Variants in UGT1A7 observed in about 807,000 individuals in gnomAD.
The protein encoded by UGT1A7 is UDP-glucuronosyltransferase 1A7.
Under a neutral mutation model 45.6 loss-of-function variants are expected in UGT1A7, and 33 were observed. The ratio of observed to expected loss-of-function variants is 0.72; its 90% confidence interval spans 0.55 to 0.97. UGT1A7 has a LOEUF of 0.97. Ranked by LOEUF, UGT1A7 falls within the 50% of genes least tolerant of loss-of-function variation. UGT1A7 has a pLI of 0.00. For synonymous variants in UGT1A7, 274 were observed against 250.6 expected, an observed-to-expected ratio of 1.09 and a Z score of -0.88; for missense variants, 684 against 666.2, an observed-to-expected ratio of 1.03 and a Z score of -0.29.
rs757417206 is a variant in UGT1A7, at chr2:233,772,349, T to C, written c.1383T>C (p.Phe461=). Residue 461 remains phenylalanine (F), a synonymous_variant, in exon 5 of 5, where the codon TTT becomes TTC. Coordinates refer to ENST00000373426, the MANE Select transcript of UGT1A7 (RefSeq NM_019077.3). ...ACCTGGCCGTGTTCTGGGTGGAGTT[T>C]GTGATGAGGCACAAGGGCGCGCCAC... ...PLDLAVFWVE[F]VMRHKGAPHL... is the part of the protein sequence containing the mutation. 2 of 1,614,272 alleles carry C rather than the reference T, an allele frequency of 1.2e-6. No individual in the cohort carries two copies. The highest frequency in any genetic ancestry group is 1.7e-5 in the Admixed American group (1 of 60,034).
At chr2:233,709,190 T>C (rs2076063708) in intron 1 of UGT1A7, among the ~76,000 whole-genome samples, 2 of 152,114 alleles carry the variant, frequency 1.3e-5, no homozygotes, top group East Asian at 3.9e-4. Flanking sequence ...GAGCTGGGAG[T>C]GGATCCTCAC....
chr2:233,772,776 CTT>C lies in UGT1A7; in HGVS notation c.*219_*220del. On this transcript the variant is annotated 3_prime_UTR_variant, in exon 5 of 5. Transcript: ENST00000373426. Reference sequence around the variant, plus strand: ...ATATGTATCGTGCCCCCTCTGGTGTCTTTGATCAGGATGACATGTGCCATTTT... The same window carrying C: ...ATATGTATCGTGCCCCCTCTGGTGTCTGATCAGGATGACATGTGCCATTTT... The C allele has an allele frequency of 7.6e-7, 1 of 1,308,314 alleles. No individual in the cohort carries two copies. The highest frequency in any genetic ancestry group is 1.0e-6 in the Non-Finnish European group (1 of 993,234). The allele number at this position is 1,308,314 out of a possible 1,614,324, so 81.0% of individuals were successfully genotyped here.
intron 1 of UGT1A7, among the ~76,000 whole-genome samples, chr2:233,709,542 T>C (rs1011776342): frequency 6.6e-6 from 1 of 152,178 alleles, no homozygotes; most frequent in Admixed American, 6.5e-5. Context: ...CTGTGATATA[T>C]GTAAGTACTT....
chr2:233,727,264 C>T (rs1345980059), intron 1 of UGT1A7, among the ~76,000 whole-genome samples: 1 of 152,152 alleles, frequency 6.6e-6, no homozygotes, highest in East Asian at 1.9e-4. Flanking sequence ...CAGACCCCTC[C>T]TCATCTCCAG....
At chr2:233,711,268 G>T (rs1198771284) in intron 1 of UGT1A7, among the ~76,000 whole-genome samples, 1 of 152,206 alleles carries the variant, frequency 6.6e-6, no homozygotes, top group African/African-American at 2.4e-5. Context: ...CCTCCCCAGG[G>T]TCTAGGAGTC....
At chr2:233,687,422 C>T (rs907615477) in intron 1 of UGT1A7, among the ~76,000 whole-genome samples, 1 of 151,774 alleles carries the variant, frequency 6.6e-6, no homozygotes, top group East Asian at 1.9e-4. Context: ...GGAGGCTTAC[C>T]GTGTACCAGG....
chr2:233,725,937 A>G (rs911094598), intron 1 of UGT1A7, among the ~76,000 whole-genome samples: 3 of 152,148 alleles, frequency 2.0e-5, no homozygotes. Flanking sequence ...AGACTGATGC[A>G]GGAGGATTGT....
chr2:233,749,297 T>C (rs761343175), intron 1 of UGT1A7, among the ~76,000 whole-genome samples: 35 of 151,972 alleles, frequency 2.3e-4, no homozygotes, highest in Non-Finnish European at 4.0e-4. Flanking sequence ...TATTCAATTA[T>C]AAAATATGTG....
At chr2:233,743,105 G>C (rs1692204465) in intron 1 of UGT1A7, 2 of 354,440 alleles carry the variant, frequency 5.6e-6, no homozygotes, top group East Asian at 7.4e-5. Context: ...GGGTACAGCT[G>C]TTCTGAAAGT....
intron 1 of UGT1A7, among the ~76,000 whole-genome samples, chr2:233,707,114 C>T (rs911479241): frequency 3.9e-5 from 6 of 152,140 alleles, no homozygotes; most frequent in Non-Finnish European, 7.4e-5. Flanking sequence ...CCCCAAAATA[C>T]TCTGCATTAG....
intron 1 of UGT1A7, chr2:233,693,200 C>A (rs1287023283): frequency 6.2e-7 from 1 of 1,614,122 alleles, no homozygotes; most frequent in Admixed American, 1.7e-5. Context: ...AGTTAATTTG[C>A]TTTTGAAAGA....
At chr2:233,686,050 T>C (rs921397922) in intron 1 of UGT1A7, among the ~76,000 whole-genome samples, 1 of 152,182 alleles carries the variant, frequency 6.6e-6, no homozygotes, top group Admixed American at 6.5e-5. Flanking sequence ...TGGCAAAGAA[T>C]AGTGTCTTCA....
Position 233,772,243 on chromosome 2 carries a change from A to G in UGT1A7, c.1296-19A>G, listed in dbSNP as rs763747891. The stretch of plus-strand genomic sequence containing the variant: ...TACCACAGGTGTTCCAGGCATAACG[A>G]AACTGTCTTTGTGTTTAGTTACAAG... On this transcript the variant is annotated intron_variant, in intron 4 of 4. Coordinates refer to ENST00000373426, the MANE Select transcript of UGT1A7 (RefSeq NM_019077.3). 2 of 1,614,184 alleles carry G rather than the reference A, an allele frequency of 1.2e-6. No homozygotes were observed. The highest frequency in any genetic ancestry group is 1.7e-6 in the Non-Finnish European group (2 of 1,180,028).
intron 1 of UGT1A7, among the ~76,000 whole-genome samples, chr2:233,685,926 G>T (rs745922812): frequency 1.3e-5 from 2 of 152,052 alleles, no homozygotes; most frequent in Non-Finnish European, 2.9e-5. Flanking sequence ...AATTTATCCT[G>T]ATTGTCTCAA....
At chr2:233,686,759 T>C (rs1195902114) in intron 1 of UGT1A7, among the ~76,000 whole-genome samples, 3 of 152,202 alleles carry the variant, frequency 2.0e-5, no homozygotes, top group African/African-American at 7.2e-5. Context: ...TCACTGGCTT[T>C]ATTTTATGCA....
At chr2:233,748,569 T>C (rs556466640) in intron 1 of UGT1A7, among the ~76,000 whole-genome samples, 1 of 151,818 alleles carries the variant, frequency 6.6e-6, no homozygotes, top group African/African-American at 2.4e-5. Context: ...GAAGTAGAAG[T>C]GTTAAAGAGG....
intron 1 of UGT1A7, among the ~76,000 whole-genome samples, chr2:233,685,909 A>G (rs1003561051): frequency 2.0e-5 from 3 of 152,226 alleles, no homozygotes; most frequent in Admixed American, 6.5e-5. Flanking sequence ...TTTTCAATCC[A>G]TCATTAAATT....
chr2:233,760,445 G>A (rs2125984169), intron 1 of UGT1A7: 1 of 1,614,212 alleles, frequency 6.2e-7, no homozygotes, highest in Non-Finnish European at 8.5e-7. Context: ...CTGCAGCAGA[G>A]GGGACATGAA....
chr2:233,691,348 C>T (rs1559344873), intron 1 of UGT1A7: 1 of 985,528 alleles, frequency 1.0e-6, no homozygotes, highest in Non-Finnish European at 1.2e-6. Context: ...TCTTCGCATG[C>T]CTTGAACAAT....
Sources: gnomAD v4.1 joint callset for allele counts (sites outside exome capture counted in the v4.1 genomes callset) on GRCh38, gnomAD v4.1.1 for gene constraint, MANE v1.5 for transcripts, NCBI Gene and HGNC (gene_info 2026-07-23, HGNC 2026-07-21) for gene names.